Variants in DEGS2 observed in about 807,000 individuals in gnomAD.
DEGS2 encodes delta 4-desaturase, sphingolipid 2.
Under a neutral mutation model 23.8 loss-of-function variants are expected in DEGS2, and 19 were observed. That is an observed-to-expected ratio of 0.80 (90% CI 0.56 to 1.17). The LOEUF (loss-of-function observed/expected upper bound fraction) is 1.17. Ranked by LOEUF, DEGS2 falls within the 50% of genes most tolerant of loss-of-function variation. DEGS2 has a pLI of 0.00. For missense variants in DEGS2, 390 were observed against 459.5 expected (o/e 0.85, Z 1.38); for synonymous variants, 218 against 213.7 (o/e 1.02, Z -0.18).
Position 100,146,604 on chromosome 14 carries a change from C to T in DEGS2, c.*157G>A. 1.0e-5 allele frequency: 11 copies of T among 1,084,310 alleles called. No individual in the cohort carries two copies. In the South Asian group the frequency reaches 1.5e-4, roughly 15 times the overall value. The allele number at this position is 1,084,310 out of a possible 1,614,324, so 67.2% of individuals were successfully genotyped here. On this transcript the variant is annotated 3_prime_UTR_variant, in exon 3 of 3. Transcript: ENST00000305631. ...TCCACGTGCAGACGGAGCCCTGCAG[C>T]CCACACTGCTGTTGCCAGGTGTGGC...
intron 1 of DEGS2, among the ~76,000 whole-genome samples, chr14:100,157,816 AG>A (rs1207689607): frequency 6.6e-6 from 1 of 152,198 alleles, no homozygotes; most frequent in Non-Finnish European, 1.5e-5. Context: ...GGCTGGGCGC[AG>A]TGGCTCACAC....
chr14:100,151,208 G>C (rs984309527), intron 1 of DEGS2, among the ~76,000 whole-genome samples: 4 of 152,234 alleles, frequency 2.6e-5, no homozygotes, highest in African/African-American at 9.6e-5. Flanking sequence ...ACATTAGTCT[G>C]AGCCCTGGGG....
chr14:100,149,841 C>T (rs1275274905), intron 1 of DEGS2, 131 bp from the exon 2 acceptor site: 18 of 959,986 alleles, frequency 1.9e-5, no homozygotes, highest in Non-Finnish European at 2.6e-5. Flanking sequence ...CCCTTTGCCC[C>T]TGCACACAGG....
chr14:100,148,311 C>T (rs894542558), intron 2 of DEGS2, among the ~76,000 whole-genome samples: 3 of 152,220 alleles, frequency 2.0e-5, no homozygotes, highest in Admixed American at 6.5e-5. Flanking sequence ...CTCAGGCGCT[C>T]GAACACCTCC....
chr14:100,163,612 T>C (rs1267915531), upstream of DEGS2, among the ~76,000 whole-genome samples: 1 of 152,228 alleles, frequency 6.6e-6, no homozygotes, highest in Non-Finnish European at 1.5e-5. Context: ...CCTTGTTTCC[T>C]TCATAGAAGT....
chr14:100,160,744 A>AG (rs899899684), upstream of DEGS2, among the ~76,000 whole-genome samples: 2 of 152,222 alleles, frequency 1.3e-5, no homozygotes, highest in African/African-American at 4.8e-5. Flanking sequence ...TACACTTGGC[A>AG]GGCCTTCCTT....
chr14:100,154,136 G>A (rs558217615), intron 1 of DEGS2, among the ~76,000 whole-genome samples: 10 of 152,220 alleles, frequency 6.6e-5, no homozygotes, highest in South Asian at 4.1e-4. Flanking sequence ...AGGCTGAGAC[G>A]GGCAGATCAC....
intron 1 of DEGS2, 102 bp from the exon 2 acceptor site, chr14:100,149,812 G>C: frequency 8.0e-7 from 1 of 1,251,500 alleles, no homozygotes; most frequent in Non-Finnish European, 1.1e-6. Context: ...GGTGGGAGTG[G>C]CCAGCAAACC....
rs778841003 is a variant in DEGS2 at position 100,149,688 on chromosome 14, G to A, written c.105C>T (p.Ala35=). ...TGAGGCGCGGGTCTGGCCGCATCAG[G>A]GCCTTGATGGCCGGGTACTTGGCTG... is the stretch of plus-strand genomic sequence containing the variant. ...EILAKYPAIK[A]LMRPDPRLKW... is the part of the protein sequence containing the mutation. Residue 35 remains alanine, a synonymous_variant, in exon 2 of 3, where the codon GCC becomes GCT. Transcript: ENST00000305631. 1.4e-5 allele frequency: 22 copies of A among 1,604,756 alleles called. No homozygotes were observed. In the African/African-American group the frequency reaches 2.5e-4, roughly 19 times the overall value.
At chr14:100,148,527 C>T (rs1235647397) in intron 2 of DEGS2, among the ~76,000 whole-genome samples, 1 of 152,260 alleles carries the variant, frequency 6.6e-6, no homozygotes, top group Admixed American at 6.5e-5. Flanking sequence ...TCCCCATCAG[C>T]TCTGCCCAAG....
intron 1 of DEGS2, among the ~76,000 whole-genome samples, chr14:100,152,914 A>AAGGGAGGGAGGG (rs1200246501): frequency 1.3e-5 from 2 of 151,348 alleles, no homozygotes; most frequent in African/African-American, 4.8e-5. Context: ...GGAAAGAAGG[A>AAGGGAGGGAGGG]AGGGAGGGAG....
In DEGS2 at chr14:100,154,789, G is replaced by C. The variant is rs2140424134; in HGVS notation, c.82+4717C>G. ...GAGCAGAGGGACCGCATCAGAAACA[G>C]GCAGCCAGGCCAGAGAGGCTGCTGT... On this transcript the variant is annotated intron_variant, in intron 1 of 2. Coordinates refer to ENST00000305631, the MANE Select transcript of DEGS2 (RefSeq NM_206918.3). Among the ~76,000 whole-genome samples, 4 of 152,338 alleles carry C rather than the reference G, an allele frequency of 2.6e-5. No homozygotes were observed. In the Middle Eastern group the frequency reaches 0.014, roughly 518 times the overall value.
At chr14:100,148,256 TCACA>T (rs1220630618) in intron 2 of DEGS2, among the ~76,000 whole-genome samples, 1 of 152,088 alleles carries the variant, frequency 6.6e-6, no homozygotes, top group African/African-American at 2.4e-5. Flanking sequence ...GCAAACATGC[TCACA>T]CACAGACACG....
chr14:100,150,820 A>C (rs532062429), intron 1 of DEGS2, among the ~76,000 whole-genome samples: 22 of 150,762 alleles, frequency 1.5e-4, no homozygotes, highest in Non-Finnish European at 3.0e-4. Flanking sequence ...CCCACTGTGG[A>C]CCACTGGAGA....
At chr14:100,155,575 G>GC (rs1406476259) in intron 1 of DEGS2, 2 of 141,000 alleles carry the variant, frequency 1.4e-5, no homozygotes, top group South Asian at 2.2e-4. Context: ...GAGCAGCCAG[G>GC]CCCCCGTACG....
At chr14:100,156,877 T>C (rs374435907) in intron 1 of DEGS2, among the ~76,000 whole-genome samples, 23 of 152,276 alleles carry the variant, frequency 1.5e-4, no homozygotes, top group Middle Eastern at 3.4e-3. Flanking sequence ...TCCAAATTTA[T>C]TAGCTGAAAA....
chr14:100,150,508 G>A (rs1206602712), intron 1 of DEGS2, among the ~76,000 whole-genome samples: 1 of 151,812 alleles, frequency 6.6e-6, no homozygotes, highest in Non-Finnish European at 1.5e-5. Context: ...GCCACAAGCA[G>A]GCAGCTCTGG....
chr14:100,147,707 T>A (rs1242262845), intron 2 of DEGS2, among the ~76,000 whole-genome samples: 1 of 85,378 alleles, frequency 1.2e-5, no homozygotes, highest in Non-Finnish European at 2.1e-5. Context: ...CCCTGTCACC[T>A]CCTAAGGATG....
the DEGS2 span, among the ~76,000 whole-genome samples, chr14:100,166,708 GGCC>G: frequency 6.6e-6 from 1 of 152,070 alleles, no homozygotes. Context: ...CTAAAGACAG[GGCC>G]ATGAGGGGTC....
Sources: gnomAD v4.1 joint callset for allele counts (sites outside exome capture counted in the v4.1 genomes callset) on GRCh38, gnomAD v4.1.1 for gene constraint, MANE v1.5 for transcripts, NCBI Gene and HGNC (gene_info 2026-07-23, HGNC 2026-07-21) for gene names.